CADPS2: variants seen among roughly 807,000 people sequenced by gnomAD.
The protein encoded by CADPS2 is calcium-dependent secretion activator 2.
A neutral mutation model predicts 172.5 loss-of-function variants in CADPS2; 93 were observed. That is an observed-to-expected ratio of 0.54 (90% CI 0.46 to 0.64). The LOEUF is 0.64. CADPS2 is among the 30% of genes least tolerant of loss of function. The pLI, the probability that CADPS2 is intolerant of heterozygous loss-of-function variation, is 0.00. For synonymous variants in CADPS2, 546 were observed against 555.2 expected (o/e 0.98, Z 0.23); for missense variants, 1,420 against 1,565.9 (o/e 0.91, Z 1.57).
chr7:122,656,746 G>A (rs2079844003), intron 3 of CADPS2, among the ~76,000 whole-genome samples: 1 of 152,126 alleles, frequency 6.6e-6, no homozygotes, highest in Non-Finnish European at 1.5e-5. Context: ...CAAAAGGGGA[G>A]ACAAAAACAA....
At chr7:122,622,283 C>A (rs944107029) in intron 4 of CADPS2, among the ~76,000 whole-genome samples, 9 of 152,090 alleles carry the variant, frequency 5.9e-5, no homozygotes, top group African/African-American at 1.9e-4. Context: ...CATTAATGTG[C>A]CAAGATCTCT....
chr7:122,799,555 G>C (rs1797135740), intron 1 of CADPS2, among the ~76,000 whole-genome samples: 1 of 143,716 alleles, frequency 7.0e-6, no homozygotes, highest in Admixed American at 7.3e-5. Context: ...AGTAAGCAGA[G>C]ATCGCACCAC....
chr7:122,735,481 T>C (rs963350021), intron 2 of CADPS2, among the ~76,000 whole-genome samples: 1 of 152,186 alleles, frequency 6.6e-6, no homozygotes, highest in South Asian at 2.1e-4. Context: ...AATATTTTTA[T>C]TAGCACAGCT....
chr7:122,497,937 A>G (rs1586643886), intron 9 of CADPS2, among the ~76,000 whole-genome samples: 1 of 152,272 alleles, frequency 6.6e-6, no homozygotes, highest in African/African-American at 2.4e-5. Context: ...GACTTATGAA[A>G]GTTCAACTGC....
At chr7:122,503,030 CTTTTT>C (rs11293004) in intron 9 of CADPS2, among the ~76,000 whole-genome samples, 4 of 102,790 alleles carry the variant, frequency 3.9e-5, no homozygotes, top group South Asian at 3.4e-4. Context: ...GAGAAAAAAA[CTTTTT>C]TTTTTTTTTT....
At chr7:122,505,340 C>T (rs1413564126) in intron 9 of CADPS2, among the ~76,000 whole-genome samples, 2 of 152,046 alleles carry the variant, frequency 1.3e-5, no homozygotes, top group African/African-American at 4.8e-5. Context: ...CTCTAGCTAG[C>T]TTTAAATGAG....
chr7:122,417,450 A>C (rs2048053687), intron 17 of CADPS2, among the ~76,000 whole-genome samples: 1 of 152,200 alleles, frequency 6.6e-6, no homozygotes, highest in African/African-American at 2.4e-5. Context: ...GTGTGCCTAC[A>C]ATGTTGTTGG....
At chr7:122,727,879 T>G (rs575706090) in intron 2 of CADPS2, among the ~76,000 whole-genome samples, 15 of 152,024 alleles carry the variant, frequency 9.9e-5, no homozygotes, top group African/African-American at 3.4e-4. Flanking sequence ...ATGGTTAATA[T>G]CAAAAACAGC....
chr7:122,709,888 C>T (rs2088395188), intron 2 of CADPS2, among the ~76,000 whole-genome samples: 1 of 151,954 alleles, frequency 6.6e-6, no homozygotes, highest in African/African-American at 2.4e-5. Flanking sequence ...AGGGGAACAT[C>T]ACACTCTGGG....
intron 1 of CADPS2, among the ~76,000 whole-genome samples, chr7:122,855,520 C>A (rs1320642593): frequency 6.6e-6 from 1 of 151,988 alleles, no homozygotes; most frequent in Non-Finnish European, 1.5e-5. Context: ...CAAATTTGCC[C>A]AGGATGGTAG....
intron 4 of CADPS2, among the ~76,000 whole-genome samples, chr7:122,627,548 C>G (rs1441836297): frequency 6.6e-6 from 1 of 152,166 alleles, no homozygotes; most frequent in Non-Finnish European, 1.5e-5. Context: ...CTAACCCTTT[C>G]TTCTGACTCA....
chr7:122,476,484 T>A (rs2152216549), intron 12 of CADPS2, among the ~76,000 whole-genome samples: 1 of 152,304 alleles, frequency 6.6e-6, no homozygotes, highest in East Asian at 1.9e-4. Context: ...TATAATTAAA[T>A]CATATTTTTG....
At position 122,870,738 on chromosome 7, in the gene CADPS2, T is replaced by C. The variant is rs1819546414; in HGVS notation, c.339+15261A>G. 2.0e-5 allele frequency among the ~76,000 whole-genome samples: 3 copies of C among 152,030 alleles called. No homozygotes were observed. The South Asian group carries it at 6.2e-4, about 31-fold the overall frequency. ...TTAAAGCATCACATTGTACCAGACA[T>C]ACACAATTATTTGTCACCCAAAAAG... is the stretch of plus-strand genomic sequence containing the variant. On this transcript the variant is annotated intron_variant, in intron 1 of 29. Transcript: ENST00000449022.
chr7:122,656,517 A>C (rs1041459039), intron 3 of CADPS2, among the ~76,000 whole-genome samples: 1 of 152,198 alleles, frequency 6.6e-6, no homozygotes, highest in Admixed American at 6.6e-5. Context: ...ATATGGTAGT[A>C]GGAGGGAGCA....
chr7:122,607,753 A>G (rs12535299), intron 6 of CADPS2, among the ~76,000 whole-genome samples: 92,134 of 151,934 alleles, frequency 0.61, 28,220 homozygotes, highest in African/African-American at 0.7. Flanking sequence ...GCTAATGCTT[A>G]TCTCTTTAGG....
At chr7:122,399,586 C>T (rs2045619302) in intron 20 of CADPS2, among the ~76,000 whole-genome samples, 1 of 147,758 alleles carries the variant, frequency 6.8e-6, no homozygotes, top group African/African-American at 2.5e-5. Context: ...TAATGTCCCA[C>T]AATACTTGCC....
intron 25 of CADPS2, among the ~76,000 whole-genome samples, chr7:122,362,715 G>T (rs2040325700): frequency 2.0e-5 from 3 of 152,164 alleles, no homozygotes; most frequent in Admixed American, 2.0e-4. Flanking sequence ...ACGAAGACTG[G>T]TTTTTGTTCA....
chr7:122,403,493 G>A (rs567292436), intron 20 of CADPS2, among the ~76,000 whole-genome samples: 4 of 152,048 alleles, frequency 2.6e-5, no homozygotes, highest in Admixed American at 1.3e-4. Context: ...GACTGAGTAC[G>A]GTACAACAAA....
At chr7:122,659,211 C>T (rs2080206308) in intron 3 of CADPS2, among the ~76,000 whole-genome samples, 2 of 149,596 alleles carry the variant, frequency 1.3e-5, no homozygotes. Context: ...TATTAATAGG[C>T]TAAGGGCCCT....
Sources: allele counts gnomAD v4.1 joint callset (sites outside exome capture counted in the v4.1 genomes callset), GRCh38; gene constraint gnomAD v4.1.1; transcripts MANE v1.5; gene names NCBI Gene and HGNC (gene_info 2026-07-23, HGNC 2026-07-21).